Variants in ADAMTS16 observed in about 807,000 individuals in gnomAD.
ADAMTS16 encodes the protein A disintegrin and metalloproteinase with thrombospondin motifs 16.
Under a neutral mutation model 145.8 loss-of-function variants are expected in ADAMTS16, and 94 were observed. That is an observed-to-expected ratio of 0.64 (90% CI 0.55 to 0.77). The LOEUF is 0.77. Ranked by LOEUF, ADAMTS16 falls within the 30% of genes least tolerant of loss-of-function variation. The probability of loss-of-function intolerance (pLI) is 0.00; values close to 1 mark genes in which losing one functional copy is unlikely to be tolerated. For missense variants in ADAMTS16, 1,585 were observed against 1,591.5 expected (o/e 1.00, Z 0.07); for synonymous variants, 659 against 604.3 (o/e 1.09, Z -1.33).
In ADAMTS16 at chr5:5,185,895, A is replaced by G. The variant is rs139566251; in HGVS notation, c.764-157A>G. 2.7e-3 allele frequency among the ~76,000 whole-genome samples: 405 copies of G among 152,324 alleles called. 2 individuals are homozygous for G. The highest frequency in any genetic ancestry group is 9.1e-3 in the African/African-American group (378 of 41,582). On this transcript the variant is annotated intron_variant, in intron 4 of 22. Transcript: ENST00000274181. ...GAATTTTACTTAAATTTAGTGTGCT[A>G]CTTTAATACAAGTTTCTGCATCACA...
intron 3 of ADAMTS16, among the ~76,000 whole-genome samples, chr5:5,166,164 T>C (rs933701986): frequency 3.3e-5 from 5 of 152,178 alleles, no homozygotes; most frequent in African/African-American, 1.2e-4. Context: ...GAAATAGTTA[T>C]GGATTTATCC....
chr5:5,165,570 C>A (rs919406033), intron 3 of ADAMTS16, among the ~76,000 whole-genome samples: 6 of 152,024 alleles, frequency 3.9e-5, no homozygotes, highest in Non-Finnish European at 5.9e-5. Flanking sequence ...GAAGCTGAAC[C>A]CTAAAGAGCA....
intron 21 of ADAMTS16, among the ~76,000 whole-genome samples, chr5:5,311,893 T>G (rs1010391186): frequency 6.6e-6 from 1 of 152,046 alleles, no homozygotes; most frequent in African/African-American, 2.4e-5. Flanking sequence ...ATTGTTTGTA[T>G]TTTTTAGTAC....
intron 2 of ADAMTS16, among the ~76,000 whole-genome samples, chr5:5,141,687 A>T (rs1560920327): frequency 6.6e-6 from 1 of 152,256 alleles, no homozygotes; most frequent in East Asian, 1.9e-4. Context: ...TAAAGTTAAC[A>T]ATTCAGAATT....
At chr5:5,271,186 C>A (rs1738458584) in intron 18 of ADAMTS16, among the ~76,000 whole-genome samples, 1 of 152,268 alleles carries the variant, frequency 6.6e-6, no homozygotes, top group South Asian at 2.1e-4. Context: ...CTTGCAGGCT[C>A]CTGCAATTGC....
Position 5,319,330 on chromosome 5 carries a change from T to C in ADAMTS16, c.*192T>C. On this transcript the variant is annotated 3_prime_UTR_variant, in exon 23 of 23. Coordinates refer to ENST00000274181, the MANE Select transcript of ADAMTS16 (RefSeq NM_139056.4). Reference sequence around the variant, plus strand: ...GCCTGGGTGCAGACCTGTGTCCCCATGCACACAGTGTCTCCTGTCAGGCTG... The same window carrying C: ...GCCTGGGTGCAGACCTGTGTCCCCACGCACACAGTGTCTCCTGTCAGGCTG... The C allele has an allele frequency of 1.8e-6, 1 of 569,474 alleles. No homozygotes were observed. The highest frequency in any genetic ancestry group is 3.2e-6 in the Non-Finnish European group (1 of 316,730). 35.3% of individuals were successfully genotyped at this position (569,474 alleles called of 1,614,324 possible).
At chr5:5,318,354 G>C (rs766952464) in intron 22 of ADAMTS16, 73 bp downstream of exon 22, 12 of 1,324,448 alleles carry the variant, frequency 9.1e-6, no homozygotes, top group South Asian at 2.4e-5. Flanking sequence ...CAGTTCCTTG[G>C]GGGGCCTGGA....
At position 5,187,825 on chromosome 5, in the gene ADAMTS16, A is replaced by G; in HGVS notation, c.1047+17A>G. 2 of 1,483,880 alleles carry G rather than the reference A, an allele frequency of 1.3e-6. No individual in the cohort carries two copies. Among genetic ancestry groups the G allele is most frequent in the African/African-American group, 1.4e-5 (1 of 72,332 alleles). The allele number at this position is 1,483,880 out of a possible 1,614,324, so 91.9% of individuals were successfully genotyped here. ...GATGAACAGGTAGTTTATCTTTGAA[A>G]CTATCTACTCTTTTTATTCCTAGAA... On this transcript the variant is annotated intron_variant, in intron 6 of 22. Coordinates refer to ENST00000274181, the MANE Select transcript of ADAMTS16 (RefSeq NM_139056.4).
At position 5,141,841 on chromosome 5, in the gene ADAMTS16, A is replaced by G. The variant is rs184547041; in HGVS notation, c.175+1075A>G. Among the ~76,000 whole-genome samples, 34 of 152,178 alleles carry G rather than the reference A, an allele frequency of 2.2e-4. No individual in the cohort carries two copies. In the East Asian group the frequency reaches 6.4e-3, roughly 29 times the overall value. ...GTGTCAGATTGACGCTCACCATAGT[A>G]CCTTTTTGAGAACCACCAGGGGGCG... On this transcript the variant is annotated intron_variant, in intron 2 of 22. Coordinates refer to ENST00000274181, the MANE Select transcript of ADAMTS16 (RefSeq NM_139056.4).
At chr5:5,246,911 G>A (rs919537776) in intron 17 of ADAMTS16, among the ~76,000 whole-genome samples, 3 of 152,206 alleles carry the variant, frequency 2.0e-5, no homozygotes, top group Non-Finnish European at 4.4e-5. Context: ...AATGCAAGAT[G>A]ATAGACTGCG....
At position 5,310,284 on chromosome 5, in the gene ADAMTS16, C is replaced by G. The variant is rs13170263; in HGVS notation, c.3411+3556C>G. 0.022 allele frequency among the ~76,000 whole-genome samples: 3,361 copies of G among 152,268 alleles called. 53 individuals are homozygous for G. Among genetic ancestry groups the G allele is most frequent in the Middle Eastern group, 0.099 (29 of 294 alleles). ...CCACACTGCGCAGCCCATCTCTCAT[C>G]CTTCCTAGCCCCCAATTCCCTTTTC... On this transcript the variant is annotated intron_variant, in intron 21 of 22. Transcript: ENST00000274181. This position sits in a 1 kb window ranked among gnomAD's most constrained non-coding sequence, Gnocchi z 4.3.
chr5:5,222,957 T>C, intron 11 of ADAMTS16, 73 bp downstream of exon 11: 1 of 1,381,680 alleles, frequency 7.2e-7, no homozygotes, highest in Non-Finnish European at 1.0e-6. Context: ...TTGCTCCTCT[T>C]GCATAGGTAT....
At position 5,228,771 on chromosome 5, in the gene ADAMTS16, C is replaced by A. The variant is rs1428366297; in HGVS notation, c.1702-3597C>A. ...CTTAGAAGCAAAATTTATTCAAGAC[C>A]CGTGCTAGCATTCTTAGATATCTGC... On this transcript the variant is annotated intron_variant, in intron 11 of 22. Transcript: ENST00000274181. Among the ~76,000 whole-genome samples, 4 of 152,114 alleles carry A rather than the reference C, an allele frequency of 2.6e-5. No homozygotes were observed. In the East Asian group the frequency reaches 7.7e-4, roughly 29 times the overall value.
chr5:5,168,496 C>G (rs1400997542), intron 3 of ADAMTS16, among the ~76,000 whole-genome samples: 1 of 143,054 alleles, frequency 7.0e-6, no homozygotes, highest in African/African-American at 2.6e-5. Flanking sequence ...AAAAAGCATT[C>G]AGGACTTTAA....
intron 17 of ADAMTS16, among the ~76,000 whole-genome samples, chr5:5,260,582 T>G (rs114418201): frequency 0.024 from 3,668 of 152,312 alleles, 43 homozygotes; most frequent in Non-Finnish European, 0.032. Context: ...AACCACTCTT[T>G]CTGCTTTATC....
At chr5:5,292,358 A>G (rs548520614) in intron 18 of ADAMTS16, among the ~76,000 whole-genome samples, 12 of 151,870 alleles carry the variant, frequency 7.9e-5, no homozygotes, top group South Asian at 2.1e-4. Flanking sequence ...TTAGCCGGGC[A>G]TGGAGGTGCA....
At chr5:5,279,627 G>A (rs977711554) in intron 18 of ADAMTS16, among the ~76,000 whole-genome samples, 6 of 142,366 alleles carry the variant, frequency 4.2e-5, no homozygotes, top group Non-Finnish European at 9.4e-5. Flanking sequence ...ATGTTATGAT[G>A]TTCTTGTGTT....
At chr5:5,202,553 T>A (rs1164299690) in intron 9 of ADAMTS16, among the ~76,000 whole-genome samples, 2 of 152,148 alleles carry the variant, frequency 1.3e-5, no homozygotes, top group Non-Finnish European at 2.9e-5. Flanking sequence ...TCTCTCTGTG[T>A]GTGTGTAGAA....
At chr5:5,282,944 G>T (rs144284481) in intron 18 of ADAMTS16, among the ~76,000 whole-genome samples, 1 of 150,352 alleles carries the variant, frequency 6.7e-6, no homozygotes, top group Admixed American at 6.6e-5. Context: ...TATTAATATC[G>T]GAAATAAAAT....
Sources: allele counts gnomAD v4.1 joint callset (sites outside exome capture counted in the v4.1 genomes callset), GRCh38; gene constraint gnomAD v4.1.1; non-coding constraint Gnocchi (gnomAD v3.1); transcripts MANE v1.5; gene names NCBI Gene and HGNC (gene_info 2026-07-23, HGNC 2026-07-21).